Variants in ZNF423 observed in about 807,000 individuals in gnomAD.
ZNF423 encodes zinc finger protein 423.
ZNF423 carries 12 observed loss-of-function variants against 95.8 expected under a neutral mutation model. The observed-to-expected ratio is 0.13, with a 90% CI of 0.08 to 0.20. ZNF423 has a LOEUF of 0.20. Ranked by LOEUF, ZNF423 falls within the 10% of genes least tolerant of loss-of-function variation. The pLI is 1.00. For missense variants in ZNF423, 1,316 were observed against 1,737.1 expected, an observed-to-expected ratio of 0.76 and a Z score of 4.31; for synonymous variants, 749 against 711.9, an observed-to-expected ratio of 1.05 and a Z score of -0.83.
chr16:49,580,554 T>G (rs1970638327), intron 5 of ZNF423, among the ~76,000 whole-genome samples: 1 of 152,154 alleles, frequency 6.6e-6, no homozygotes, highest in Non-Finnish European at 1.5e-5. Flanking sequence ...AAAGCAGAAC[T>G]TCCCCATTGC....
At chr16:49,626,128 A>G (rs1028477113) in intron 5 of ZNF423, 42 bp downstream of exon 5, 2 of 1,601,144 alleles carry the variant, frequency 1.2e-6, no homozygotes, top group Non-Finnish European at 1.7e-6. Context: ...TTAAAACCCC[A>G]AAGAGTAGCT....
chr16:49,783,693 G>A (rs1045990189), intron 2 of ZNF423, among the ~76,000 whole-genome samples: 6 of 152,122 alleles, frequency 3.9e-5, no homozygotes, highest in Non-Finnish European at 7.4e-5. Context: ...ATTTGGAGAC[G>A]TTGGTAGGAG....
chr16:49,620,162 C>CACCA (rs1555512914), intron 5 of ZNF423, among the ~76,000 whole-genome samples: 1 of 147,154 alleles, frequency 6.8e-6, no homozygotes, highest in African/African-American at 2.5e-5. Flanking sequence ...CACACACACA[C>CACCA]CACACACACA....
At chr16:49,713,059 C>T (rs901765561) in intron 3 of ZNF423, among the ~76,000 whole-genome samples, 31 of 152,336 alleles carry the variant, frequency 2.0e-4, no homozygotes, top group African/African-American at 6.7e-4. Flanking sequence ...ACTTGCCAGG[C>T]GCTGGGCCTC....
intron 3 of ZNF423, among the ~76,000 whole-genome samples, chr16:49,643,564 C>A (rs1224557955): frequency 3.0e-5 from 4 of 131,834 alleles, no homozygotes; most frequent in East Asian, 2.7e-4. Context: ...CCCCACCCCC[C>A]ACTTTGGGAG....
intron 3 of ZNF423, among the ~76,000 whole-genome samples, chr16:49,649,483 C>T (rs1973308182): frequency 6.6e-6 from 1 of 152,098 alleles, no homozygotes; most frequent in Non-Finnish European, 1.5e-5. Context: ...TAATTCAGCA[C>T]ATATTTAGGA....
intron 1 of ZNF423, among the ~76,000 whole-genome samples, chr16:49,810,017 T>A (rs1321600808): frequency 6.6e-6 from 1 of 151,964 alleles, no homozygotes; most frequent in Non-Finnish European, 1.5e-5. Flanking sequence ...CAGGCCCCAT[T>A]TCCTGCTGAC....
chr16:49,699,096 C>T (rs6500243), intron 3 of ZNF423, among the ~76,000 whole-genome samples: 4 of 152,116 alleles, frequency 2.6e-5, no homozygotes, highest in African/African-American at 9.7e-5. Context: ...AACACAATCA[C>T]CTCCTCTGCC....
intron 1 of ZNF423, chr16:49,847,342 G>A (rs2035256083): frequency 6.6e-6 from 1 of 152,228 alleles, no homozygotes; most frequent in Non-Finnish European, 1.5e-5. Flanking sequence ...AGGGAGCTGA[G>A]TCCTGGCAGG....
In ZNF423 at chr16:49,512,378, T is replaced by A. The variant is rs563578969; in HGVS notation, c.3849+11246A>T. Among the ~76,000 whole-genome samples the A allele has an allele frequency of 7.4e-4, 112 of 152,354 alleles. 3 individuals are homozygous for A. In the South Asian group the frequency reaches 0.023, roughly 31 times the overall value. On this transcript the variant is annotated intron_variant, in intron 7 of 7. Transcript: ENST00000563137. ...CCCAATGCTGGGAGCTTTTCAGGCA[T>A]CACTGCCTTCAGCTACCCCAGTACC...
At chr16:49,541,615 A>G (rs1412356602) in intron 5 of ZNF423, among the ~76,000 whole-genome samples, 3 of 152,098 alleles carry the variant, frequency 2.0e-5, no homozygotes, top group Admixed American at 6.5e-5. Context: ...AGCCTTTGTA[A>G]TTTATATGGT....
chr16:49,536,915 T>C (rs1377033280), intron 5 of ZNF423, among the ~76,000 whole-genome samples: 1 of 152,240 alleles, frequency 6.6e-6, no homozygotes, highest in Non-Finnish European at 1.5e-5. Flanking sequence ...TTCAACACTG[T>C]AATCCCAGAA....
At chr16:49,842,309 G>GAGGGGAGGCGAGGGAAGGGAAGGGA (rs1555489897) in intron 1 of ZNF423, among the ~76,000 whole-genome samples, 1 of 20,380 alleles carries the variant, frequency 4.9e-5, no homozygotes, top group African/African-American at 1.9e-4. Flanking sequence ...GAGGGGAGGC[G>GAGGGGAGGCGAGGGAAGGGAAGGGA]AGGGAAGGGA....
chr16:49,638,191 G>C lies in ZNF423; in HGVS notation c.985C>G (p.Gln329Glu), dbSNP rs1387960826. The C allele has an allele frequency of 6.2e-7, 1 of 1,608,096 alleles. No individual in the cohort carries two copies. Among genetic ancestry groups the C allele is most frequent in the African/African-American group, 1.3e-5 (1 of 75,072 alleles). The change falls in exon 4 of 8, where the codon CAG becomes GAG. Residue 329 changes from glutamine to glutamate, a missense_variant. Physicochemically the swap from Gln to Glu is conservative, Grantham distance 29 (BLOSUM62 2). This residue lies in a region of ZNF423 where 399 missense variants were observed against 478.5 expected (regional missense o/e 0.83). Transcript: ENST00000563137. This position sits in a 1 kb window ranked among gnomAD's most constrained non-coding sequence, Gnocchi z 5.6. The part of the protein sequence containing the change: ...LAHIHQAHAN[Q>E]KHKCPMCPEQ... ...GGGCACATGGGGCACTTGTGTTTCT[G>C]GTTGGCGTGGGCTTGGTGGATATGG...
chr16:49,747,584 A>G (rs2033551900), intron 2 of ZNF423, among the ~76,000 whole-genome samples: 1 of 152,132 alleles, frequency 6.6e-6, no homozygotes, highest in Non-Finnish European at 1.5e-5. Flanking sequence ...CAGCTGGGTG[A>G]ACGATTCCTT....
At chr16:49,800,813 C>T (rs1242236448) in intron 1 of ZNF423, among the ~76,000 whole-genome samples, 2 of 152,130 alleles carry the variant, frequency 1.3e-5, no homozygotes, top group Admixed American at 6.5e-5. Context: ...ATGCCAGCCA[C>T]GGAATCCCAG....
intron 7 of ZNF423, among the ~76,000 whole-genome samples, chr16:49,507,415 T>C (rs915309844): frequency 1.3e-5 from 2 of 152,118 alleles, no homozygotes; most frequent in African/African-American, 4.8e-5. Context: ...ATTACAGGTG[T>C]GAGCCACCAC....
At chr16:49,654,425 G>A (rs956112370) in intron 3 of ZNF423, among the ~76,000 whole-genome samples, 6 of 152,326 alleles carry the variant, frequency 3.9e-5, no homozygotes, top group African/African-American at 7.2e-5. Context: ...CCTGGGGGGC[G>A]TAGAGCACAG....
chr16:49,526,874 C>A (rs2151711456), intron 5 of ZNF423, among the ~76,000 whole-genome samples: 1 of 152,350 alleles, frequency 6.6e-6, no homozygotes, highest in South Asian at 2.1e-4. Context: ...GTGTTTACTG[C>A]CAGGCATGTC....
Sources: allele counts gnomAD v4.1 joint callset (sites outside exome capture counted in the v4.1 genomes callset), GRCh38; gene constraint gnomAD v4.1.1; regional missense constraint gnomAD v4.1.1; non-coding constraint Gnocchi (gnomAD v3.1); transcripts MANE v1.5; gene names NCBI Gene and HGNC (gene_info 2026-07-23, HGNC 2026-07-21).